Variants in LYST observed in about 807,000 individuals in gnomAD.
LYST encodes lysosomal-trafficking regulator.
A neutral mutation model predicts 413.6 loss-of-function variants in LYST; 192 were observed. That is an observed-to-expected ratio of 0.46 (90% CI 0.41 to 0.52). LYST has a LOEUF of 0.52. Among genes scored for constraint, LYST ranks in the 20% least tolerant of loss-of-function variants. The pLI is 0.00. For missense variants in LYST, 3,815 were observed against 4,499.9 expected, an observed-to-expected ratio of 0.85 and a Z score of 4.35; for synonymous variants, 1,525 against 1,567.3, an observed-to-expected ratio of 0.97 and a Z score of 0.64.
At chr1:235,873,933 C>T (rs1681038237) in intron 1 of LYST, among the ~76,000 whole-genome samples, 1 of 152,136 alleles carries the variant, frequency 6.6e-6, no homozygotes, top group Non-Finnish European at 1.5e-5. Flanking sequence ...TACAAGGACT[C>T]GCTAAAACTC....
intron 20 of LYST, among the ~76,000 whole-genome samples, chr1:235,769,453 A>T (rs758502451): frequency 1.4e-4 from 21 of 152,058 alleles, no homozygotes; most frequent in Non-Finnish European, 2.8e-4. Context: ...CCTTAGTGCC[A>T]CCGAAGCAAA....
intron 1 of LYST, among the ~76,000 whole-genome samples, chr1:235,859,077 C>T (rs575010888): frequency 8.5e-5 from 13 of 152,176 alleles, no homozygotes; most frequent in Non-Finnish European, 1.3e-4. Context: ...TCAATCTCAG[C>T]AGATAATCTT....
chr1:235,732,883 TC>T (rs1187559067), intron 34 of LYST, among the ~76,000 whole-genome samples: 1 of 152,198 alleles, frequency 6.6e-6, no homozygotes, highest in African/African-American at 2.4e-5. Context: ...GCTTTTTTGT[TC>T]TTGTTATGGT....
intron 1 of LYST, among the ~76,000 whole-genome samples, chr1:235,865,742 A>G (rs559736029): frequency 2.1e-4 from 32 of 152,374 alleles, no homozygotes; most frequent in African/African-American, 7.5e-4. Context: ...CTTTATTAGC[A>G]TAGATGAATC....
At chr1:235,801,494 G>C (rs1419734070) in intron 8 of LYST, among the ~76,000 whole-genome samples, 1 of 152,020 alleles carries the variant, frequency 6.6e-6, no homozygotes, top group Admixed American at 6.6e-5. Flanking sequence ...GGCTTGACTA[G>C]TGGTTGGAAG....
chr1:235,859,769 C>T (rs143490489), intron 1 of LYST, among the ~76,000 whole-genome samples: 26 of 152,272 alleles, frequency 1.7e-4, no homozygotes, highest in African/African-American at 5.5e-4. Flanking sequence ...GTCCCCTTTG[C>T]GCCTTCCTGG....
Position 235,746,457 on chromosome 1 carries a change from C to A in LYST, c.7851G>T (p.Glu2617Asp), listed in dbSNP as rs1331492590. The change falls in exon 29 of 53, where the codon GAG becomes GAT. Residue 2617 changes from glutamate to aspartate, a missense_variant. Glu to Asp is a conservative substitution (Grantham distance 45). This residue lies in a region of LYST where 771 missense variants were observed against 837.1 expected (regional missense o/e 0.92). Transcript: ENST00000389793. ...TTCTCCGTTGCATCATCACATGAAG[C>A]TCATCATTTGCCACTGAACGCATTT... Reference protein sequence around the residue: ...LMKMRSVANDELHVMMQRRMS... With the variant: ...LMKMRSVANDDLHVMMQRRMS... 1.2e-6 allele frequency: 2 copies of A among 1,613,728 alleles called. No homozygotes were observed. The highest frequency in any genetic ancestry group is 2.7e-5 in the African/African-American group (2 of 74,880).
chr1:235,716,913 G>A (rs1662893381), intron 40 of LYST, 135 bp from the exon 41 acceptor site: 9 of 589,112 alleles, frequency 1.5e-5, no homozygotes, highest in Admixed American at 3.0e-5. Flanking sequence ...TAAACATATT[G>A]TTTTGTAACT....
intron 40 of LYST, among the ~76,000 whole-genome samples, chr1:235,718,208 A>C (rs1663021780): frequency 6.8e-6 from 1 of 146,282 alleles, no homozygotes; most frequent in South Asian, 2.1e-4. Flanking sequence ...TTTTTTTTGG[A>C]CACAAGCTAT....
chr1:235,680,474 C>T (rs1659722341), intron 48 of LYST, among the ~76,000 whole-genome samples: 1 of 151,970 alleles, frequency 6.6e-6, no homozygotes, highest in African/African-American at 2.4e-5. Context: ...GCTGCCCAAG[C>T]TGGTCTCAAA....
At position 235,773,907 on chromosome 1, in the gene LYST, T is replaced by C. The variant is rs370441301; in HGVS notation, c.5719A>G (p.Ile1907Val). Residue 1907 changes from isoleucine to valine, a missense_variant, in exon 19 of 53, where the codon ATA becomes GTA. Physicochemically the swap from Ile to Val is conservative, Grantham distance 29. This residue lies in a region of LYST where 530 missense variants were observed against 696.5 expected (regional missense o/e 0.76). Coordinates refer to ENST00000389793, the MANE Select transcript of LYST (RefSeq NM_000081.4). Reference sequence around the variant, plus strand: ...TCTAACAGCTTAACATCTTGGATTATAGCATTAGAGTCTACATCCAACTTA... The same window carrying C: ...TCTAACAGCTTAACATCTTGGATTACAGCATTAGAGTCTACATCCAACTTA... Reference protein sequence around the residue: ...EFKLDVDSNAIIQDVKLLEEL... With the variant: ...EFKLDVDSNAVIQDVKLLEEL... 2.7e-5 allele frequency: 43 copies of C among 1,607,036 alleles called. No individual in the cohort carries two copies. The highest frequency in any genetic ancestry group is 6.6e-5 in the South Asian group (6 of 90,928).
At position 235,751,406 on chromosome 1, in the gene LYST, C is replaced by T. The variant is rs369145577; in HGVS notation, c.7628-44G>A. ...AGAATGTTTTCAAGCTATGTGGTTA[C>T]TAATTTTTTAATTGAACTGATTTTA... On this transcript the variant is annotated intron_variant, in intron 27 of 52. Coordinates refer to ENST00000389793, the MANE Select transcript of LYST (RefSeq NM_000081.4). 44 of 1,552,712 alleles carry T rather than the reference C, an allele frequency of 2.8e-5. No individual in the cohort carries two copies. In the African/African-American group the frequency reaches 4.6e-4, roughly 16 times the overall value.
intron 46 of LYST, among the ~76,000 whole-genome samples, chr1:235,694,834 TC>T (rs890033996): frequency 6.6e-6 from 1 of 152,058 alleles, no homozygotes; most frequent in Non-Finnish European, 1.5e-5. Context: ...AGAGGCATCA[TC>T]TTTTTTTTTT....
At chr1:235,743,594 A>G (rs1665627128) in intron 30 of LYST, among the ~76,000 whole-genome samples, 1 of 152,178 alleles carries the variant, frequency 6.6e-6, no homozygotes. Flanking sequence ...TTAGGCCAAG[A>G]TCTAAAATTC....
chr1:235,698,979 C>T (rs953396237), intron 45 of LYST, among the ~76,000 whole-genome samples: 8 of 152,050 alleles, frequency 5.3e-5, no homozygotes, highest in Non-Finnish European at 1.0e-4. Context: ...GCCAGGAATT[C>T]ATATAAAAGG....
Position 235,801,553 on chromosome 1 carries a change from T to C in LYST, c.3713-456A>G, listed in dbSNP as rs1297955091. 3.3e-5 allele frequency among the ~76,000 whole-genome samples: 5 copies of C among 152,284 alleles called. No homozygotes were observed. In the South Asian group the frequency reaches 6.2e-4, roughly 19 times the overall value. Reference sequence around the variant, plus strand: ...TAAGTGAGAAACAGACTCTGTCTTATTGAATATTGCATTTTGGAAAATTTG... The same window carrying C: ...TAAGTGAGAAACAGACTCTGTCTTACTGAATATTGCATTTTGGAAAATTTG... On this transcript the variant is annotated intron_variant, in intron 8 of 52. Transcript: ENST00000389793.
At chr1:235,681,605 T>G (rs1049744873) in intron 48 of LYST, among the ~76,000 whole-genome samples, 2 of 152,114 alleles carry the variant, frequency 1.3e-5, no homozygotes, top group African/African-American at 4.8e-5. Context: ...AGGAATGAGC[T>G]GGGGCAATGG....
At position 235,702,727 on chromosome 1, in the gene LYST, T is replaced by C. The variant is rs200285655; in HGVS notation, c.10374+20A>G. 2,088 of 1,603,818 alleles carry C rather than the reference T, an allele frequency of 1.3e-3. 1 individual carries two copies. Among genetic ancestry groups the C allele is most frequent in the Non-Finnish European group, 1.5e-3 (1,772 of 1,170,620 alleles). On this transcript the variant is annotated intron_variant, in intron 45 of 52. Transcript: ENST00000389793. ...TCTAATCAGGTTTTGCTGCACTCGA[T>C]TGAAATCCAAATGACATACCGGATA...
intron 29 of LYST, among the ~76,000 whole-genome samples, chr1:235,745,027 T>C (rs1012527534): frequency 6.6e-6 from 1 of 152,216 alleles, no homozygotes; most frequent in Non-Finnish European, 1.5e-5. Flanking sequence ...TCGGGTTACC[T>C]GAACATTTTT....
Sources: allele counts gnomAD v4.1 joint callset (sites outside exome capture counted in the v4.1 genomes callset), GRCh38; gene constraint gnomAD v4.1.1; regional missense constraint gnomAD v4.1.1; transcripts MANE v1.5; gene names NCBI Gene and HGNC (gene_info 2026-07-23, HGNC 2026-07-21).